The following OLFM3 variants were observed in gnomAD, a reference collection of about 807,000 sequenced individuals.
OLFM3 encodes noelin-3.
A neutral mutation model predicts 48.6 loss-of-function variants in OLFM3; 20 were observed. That is an observed-to-expected ratio of 0.41 (90% CI 0.29 to 0.60). The LOEUF (loss-of-function observed/expected upper bound fraction) is 0.60, where lower values mean the gene tolerates loss of function less well. Among genes scored for constraint, OLFM3 ranks in the 20% least tolerant of loss-of-function variants. The probability of loss-of-function intolerance (pLI) is 0.28; values close to 1 mark genes in which losing one functional copy is unlikely to be tolerated. For synonymous variants in OLFM3, 222 were observed against 198.1 expected, an observed-to-expected ratio of 1.12 and a Z score of -1.01; for missense variants, 437 against 544.3, an observed-to-expected ratio of 0.80 and a Z score of 1.96.
intron 1 of OLFM3, among the ~76,000 whole-genome samples, chr1:101,863,621 G>C (rs1419948118): frequency 1.3e-5 from 2 of 152,050 alleles, no homozygotes; most frequent in Non-Finnish European, 2.9e-5. Context: ...GGAAAGTAAG[G>C]ACGCTTATTC....
chr1:101,990,064 C>T (rs1324368944), intron 1 of OLFM3, among the ~76,000 whole-genome samples: 1 of 152,172 alleles, frequency 6.6e-6, no homozygotes, highest in Non-Finnish European at 1.5e-5. Context: ...CCTATGTGAT[C>T]TCTTCTCCAT....
chr1:101,831,678 T>G (rs1655158185), intron 2 of OLFM3, among the ~76,000 whole-genome samples: 1 of 152,204 alleles, frequency 6.6e-6, no homozygotes, highest in Non-Finnish European at 1.5e-5. Flanking sequence ...ATGCTGTTAG[T>G]ACTCAAAGCA....
chr1:101,881,766 T>C (rs1363705005), intron 1 of OLFM3, among the ~76,000 whole-genome samples: 6 of 151,472 alleles, frequency 4.0e-5, no homozygotes, highest in Non-Finnish European at 7.4e-5. Flanking sequence ...GTCATCCTCC[T>C]GAGTTATTTT....
At chr1:101,838,326 C>A (rs565343715) in intron 1 of OLFM3, among the ~76,000 whole-genome samples, 3 of 150,874 alleles carry the variant, frequency 2.0e-5, no homozygotes, top group Non-Finnish European at 4.4e-5. Context: ...CCCAAAGTGC[C>A]GGGATAACAG....
chr1:101,933,604 A>G (rs1174990334), intron 1 of OLFM3, among the ~76,000 whole-genome samples: 1 of 152,160 alleles, frequency 6.6e-6, no homozygotes, highest in Non-Finnish European at 1.5e-5. Context: ...AATTTAGAAA[A>G]TGCAGAGAAC....
intron 3 of OLFM3, among the ~76,000 whole-genome samples, chr1:101,825,678 A>T (rs1468736897): frequency 6.6e-6 from 1 of 152,304 alleles, no homozygotes; most frequent in East Asian, 1.9e-4. Context: ...ATGATTGTTC[A>T]GTTGAGTCTA....
At chr1:101,961,291 A>G (rs1660459392) in intron 1 of OLFM3, among the ~76,000 whole-genome samples, 1 of 152,036 alleles carries the variant, frequency 6.6e-6, no homozygotes, top group African/African-American at 2.4e-5. Flanking sequence ...TTGTAAATGG[A>G]AAATTTAAGT....
intron 1 of OLFM3, among the ~76,000 whole-genome samples, chr1:101,885,241 G>GACACC (rs1657701761): frequency 6.6e-6 from 1 of 151,992 alleles, no homozygotes. Flanking sequence ...AGAGCTAATA[G>GACACC]ACACCACACC....
chr1:101,948,866 T>G (rs1289656399), intron 1 of OLFM3, among the ~76,000 whole-genome samples: 1 of 147,734 alleles, frequency 6.8e-6, no homozygotes, highest in Non-Finnish European at 1.5e-5. Context: ...TATTATATAT[T>G]TATATATTTT....
intron 1 of OLFM3, among the ~76,000 whole-genome samples, chr1:101,971,912 G>T (rs1260596464): frequency 6.6e-6 from 1 of 151,440 alleles, no homozygotes; most frequent in African/African-American, 2.4e-5. Context: ...ATATGTGTTT[G>T]TTTTTATGTA....
At chr1:101,874,224 G>C (rs1657202454) in intron 1 of OLFM3, among the ~76,000 whole-genome samples, 1 of 151,718 alleles carries the variant, frequency 6.6e-6, no homozygotes, top group African/African-American at 2.4e-5. Flanking sequence ...ATTATATTTT[G>C]GATGATTTCA....
intron 1 of OLFM3, among the ~76,000 whole-genome samples, chr1:101,939,136 CCAT>C (rs1659711547): frequency 6.6e-6 from 1 of 152,126 alleles, no homozygotes; most frequent in East Asian, 1.9e-4. Flanking sequence ...AGCACAAACA[CCAT>C]CCAGTGCTAC....
chr1:101,972,601 T>C (rs1660835665), intron 1 of OLFM3, among the ~76,000 whole-genome samples: 1 of 152,180 alleles, frequency 6.6e-6, no homozygotes, highest in Non-Finnish European at 1.5e-5. Flanking sequence ...ATGATAAATA[T>C]CTTAGATAAC....
intron 1 of OLFM3, among the ~76,000 whole-genome samples, chr1:101,928,163 A>C (rs1393647705): frequency 6.6e-6 from 1 of 152,072 alleles, no homozygotes; most frequent in East Asian, 1.9e-4. Context: ...ACCACATGAA[A>C]TCTTTCTTCA....
intron 1 of OLFM3, chr1:101,846,968 A>C (rs922439572): frequency 5.6e-6 from 9 of 1,611,170 alleles, no homozygotes; most frequent in Non-Finnish European, 6.8e-6. Flanking sequence ...GCAGTGGAGG[A>C]CTCATTGCTG....
chr1:101,956,862 T>A (rs1249937073), intron 1 of OLFM3, among the ~76,000 whole-genome samples: 3 of 151,868 alleles, frequency 2.0e-5, no homozygotes, highest in African/African-American at 7.2e-5. Flanking sequence ...TTGACTGTCT[T>A]AACTCTGTGT....
intron 1 of OLFM3, among the ~76,000 whole-genome samples, chr1:101,938,785 C>A (rs972797455): frequency 6.6e-6 from 1 of 152,132 alleles, no homozygotes; most frequent in Non-Finnish European, 1.5e-5. Context: ...TGTAACAAGT[C>A]CCCCCGAGGC....
chr1:101,851,174 C>A (rs6577276), intron 1 of OLFM3, among the ~76,000 whole-genome samples: 81,096 of 151,874 alleles, frequency 0.53, 22,522 homozygotes, highest in African/African-American at 0.68. Context: ...GTACATAAAC[C>A]GCTCTCCACC....
At chr1:101,839,996 G>A (rs972031326) in intron 1 of OLFM3, among the ~76,000 whole-genome samples, 1 of 152,112 alleles carries the variant, frequency 6.6e-6, no homozygotes, top group Admixed American at 6.5e-5. Context: ...AGTCCTGTGG[G>A]TTTTGATAGA....
Sources: allele counts gnomAD v4.1 joint callset (sites outside exome capture counted in the v4.1 genomes callset), GRCh38; gene constraint gnomAD v4.1.1; transcripts MANE v1.5; gene names NCBI Gene and HGNC (gene_info 2026-07-23, HGNC 2026-07-21).